The following MRC2 variants were observed in gnomAD, a reference collection of about 807,000 sequenced individuals.
MRC2 encodes the protein C-type mannose receptor 2.
MRC2 carries 84 observed loss-of-function variants against 206.2 expected under a neutral mutation model. That is an observed-to-expected ratio of 0.41 (90% CI 0.34 to 0.49). The LOEUF is 0.49. MRC2 is among the 20% of genes least tolerant of loss of function. The probability of loss-of-function intolerance (pLI) is 0.31; values close to 1 mark genes in which losing one functional copy is unlikely to be tolerated. For missense variants in MRC2, 1,676 were observed against 2,001.5 expected (o/e 0.84, Z 3.10); for synonymous variants, 798 against 800.0 (o/e 1.00, Z 0.04).
intron 1 of MRC2, among the ~76,000 whole-genome samples, chr17:62,656,695 A>G (rs1203306041): frequency 6.6e-6 from 1 of 152,206 alleles, no homozygotes; most frequent in East Asian, 1.9e-4. Flanking sequence ...GTCCTAGAGC[A>G]GTAACCTCCC....
chr17:62,682,135 T>C, intron 19 of MRC2, 100 bp from the exon 20 acceptor site: 1 of 1,317,978 alleles, frequency 7.6e-7, no homozygotes, highest in Admixed American at 2.7e-5. Context: ...CCTGAGCCTC[T>C]GCCCAGACTC....
intron 10 of MRC2, 76 bp from the exon 11 acceptor site, chr17:62,676,307 C>T (rs1238206091): frequency 1.1e-5 from 18 of 1,571,786 alleles, no homozygotes; most frequent in Admixed American, 3.6e-5. Context: ...CGAGCTCCCA[C>T]GGTAGGGCGT....
At position 62,627,716 on chromosome 17, in the gene MRC2, G is replaced by A; in HGVS notation, c.-87G>A. 9.5e-7 allele frequency: 1 copy of A among 1,050,852 alleles called. No homozygotes were observed. 65.1% of individuals were successfully genotyped at this position (1,050,852 alleles called of 1,614,324 possible). A position where few individuals can be genotyped will look rare whatever the true frequency, so the allele number is the denominator to read the frequency against. On this transcript the variant is annotated 5_prime_UTR_variant, in exon 1 of 30. Transcript: ENST00000303375. ...GGAGGACGCGAGCCCCTTGCGGGCG[G>A]TCATCACAGCCCAGCCTCGGGGCTG...
rs911812291 is a variant in MRC2, at chr17:62,632,841, C to A, written c.118+4921C>A. Among the ~76,000 whole-genome samples the A allele has an allele frequency of 3.9e-5, 6 of 152,302 alleles. No homozygotes were observed. In the South Asian group the frequency reaches 6.2e-4, roughly 16 times the overall value. On this transcript the variant is annotated intron_variant, in intron 1 of 29. Coordinates refer to ENST00000303375, the MANE Select transcript of MRC2 (RefSeq NM_006039.5). ...GGGCACATGTAGGGAACACTATAGC[C>A]AGCCTTCCTCAGCCTTCCCCAGCCT...
rs764415749 is a variant in MRC2, at chr17:62,688,516, G to T, written c.3077G>T (p.Ser1026Ile). 6.2e-7 allele frequency: 1 copy of T among 1,614,262 alleles called. No homozygotes were observed. Among genetic ancestry groups the T allele is most frequent in the Non-Finnish European group, 8.5e-7 (1 of 1,180,044 alleles). ...GGGACCATAGCATTCATCACAGCCAGCCTGCCCAATGTGACCTTTGACCTT... is the reference window on the plus strand; with the variant it reads ...GGGACCATAGCATTCATCACAGCCATCCTGCCCAATGTGACCTTTGACCTT... ...NPLEQAFITA[S>I]LPNVTFDLWI... Residue 1026 changes from serine (S) to isoleucine (I), a missense_variant, in exon 22 of 30, where the codon AGC becomes ATC. Physicochemically the swap from Ser to Ile is moderately radical, Grantham distance 142. Coordinates refer to ENST00000303375, the MANE Select transcript of MRC2 (RefSeq NM_006039.5).
In MRC2 at chr17:62,666,087, C is replaced by G. The variant is rs1438412017; in HGVS notation, c.521-7C>G. 2 of 1,580,446 alleles carry G rather than the reference C, an allele frequency of 1.3e-6. No individual in the cohort carries two copies. Among genetic ancestry groups the G allele is most frequent in the Non-Finnish European group, 1.7e-6 (2 of 1,162,836 alleles). On this transcript the variant is annotated splice_region_variant and splice_polypyrimidine_tract_variant and intron_variant, in intron 2 of 29. Transcript: ENST00000303375. The surrounding 1 kb of genome is among the most constrained non-coding windows in gnomAD (Gnocchi z 5.0). ...CCAAGGGCCTGGCCCCTGTCCACCC[C>G]CTGCAGAGGTCTACACCATCCAGGG...
Position 62,671,824 on chromosome 17 carries a change from G to T in MRC2, c.1293G>T (p.Lys431Asn). 1 of 1,598,458 alleles carries T rather than the reference G, an allele frequency of 6.3e-7. No homozygotes were observed. The highest frequency in any genetic ancestry group is 8.5e-7 in the Non-Finnish European group (1 of 1,169,672). ...TGGCGGAGCTGGAATTCATCACCAAGCAGATCAAGCAAGGTGAGGAGCTGC... is the reference window on the plus strand; with the variant it reads ...TGGCGGAGCTGGAATTCATCACCAATCAGATCAAGCAAGGTGAGGAGCTGC... ...HSMAELEFIT[K>N]QIKQEVEELW... Residue 431 changes from lysine to asparagine, a missense_variant, in exon 7 of 30, where the codon AAG becomes AAT. Physicochemically the swap from Lys to Asn is moderately conservative, Grantham distance 94. This residue lies in a region of MRC2 where 1,354 missense variants were observed against 1,636.6 expected (regional missense o/e 0.83). Coordinates refer to ENST00000303375, the MANE Select transcript of MRC2 (RefSeq NM_006039.5). The surrounding 1 kb of genome is among the most constrained non-coding windows in gnomAD (Gnocchi z 4.5).
rs777818656 is a variant in MRC2, at chr17:62,689,708, A to T, written c.3521A>T (p.Gln1174Leu). Residue 1174 changes from glutamine (Q) to leucine (L), a missense_variant, in exon 24 of 30, where the codon CAG becomes CTG. By Grantham distance (113) the Gln-to-Leu change is moderately radical. Transcript: ENST00000303375. ...PDPYTQAFLT[Q>L]AARGLRTPLW... ...CCCTACACCCAGGCCTTCCTCACGC[A>T]GGCTGCCCGAGGGCTGCGCACGCCG... 3.8e-6 allele frequency: 6 copies of T among 1,570,504 alleles called. No homozygotes were observed. Among genetic ancestry groups the T allele is most frequent in the Middle Eastern group, 1.7e-4 (1 of 6,006 alleles).
rs59698063 is a variant in MRC2, at chr17:62,643,327, CAAAAAAA to C, written c.118+15421_118+15427del. ...TGGGTGACAAAGAGTGAAACTCCGT[CAAAAAAA>C]AAAAAAAAAAAAAGAAAAAGAAAAG... On this transcript the variant is annotated intron_variant, in intron 1 of 29. Coordinates refer to ENST00000303375, the MANE Select transcript of MRC2 (RefSeq NM_006039.5). 2.0e-4 allele frequency among the ~76,000 whole-genome samples: 9 copies of C among 44,170 alleles called. No homozygotes were observed. The East Asian group carries it at 3.4e-3, about 17-fold the overall frequency. 29.0% of individuals were successfully genotyped at this position (44,170 alleles called of 152,430 possible). A position where few individuals can be genotyped will look rare whatever the true frequency, so the allele number is the denominator to read the frequency against.
At chr17:62,682,922 T>G (rs1487785059) in intron 20 of MRC2, among the ~76,000 whole-genome samples, 1 of 152,160 alleles carries the variant, frequency 6.6e-6, no homozygotes, top group Non-Finnish European at 1.5e-5. Context: ...ATTACAGATG[T>G]GAGCCACCGC....
intron 11 of MRC2, 67 bp downstream of exon 11, chr17:62,676,598 G>A (rs2088895820): frequency 6.6e-7 from 1 of 1,518,736 alleles, no homozygotes. Context: ...GGCCCTGCCA[G>A]CACCGAGCCC....
chr17:62,627,942 C>A, intron 1 of MRC2, 22 bp downstream of exon 1: 1 of 1,398,562 alleles, frequency 7.2e-7, no homozygotes, highest in Non-Finnish European at 9.3e-7. Context: ...CCAACTTGGC[C>A]AACTTCAGGG....
intron 28 of MRC2, 131 bp from the exon 29 acceptor site, chr17:62,691,981 A>G: frequency 3.4e-6 from 4 of 1,190,214 alleles, no homozygotes; most frequent in East Asian, 2.4e-5. Context: ...CAGAGGTAGG[A>G]TGGGAGGGGG....
chr17:62,655,470 A>G (rs1481170254), intron 1 of MRC2, among the ~76,000 whole-genome samples: 1 of 150,868 alleles, frequency 6.6e-6, no homozygotes, highest in Non-Finnish European at 1.5e-5. Context: ...TGAACCCTGG[A>G]GGAGGAGCTT....
rs1234252605 is a variant in MRC2 at position 62,672,747 on chromosome 17, A to G, written c.1461+595A>G. ...TGGCTCATGCCTATAATCCCAGCAC[A>G]TTGGGAGGCTGAGGCAGGCGGATCA... On this transcript the variant is annotated intron_variant, in intron 8 of 29. Transcript: ENST00000303375. The surrounding 1 kb of genome is among the most constrained non-coding windows in gnomAD (Gnocchi z 4.5). 6.6e-6 allele frequency among the ~76,000 whole-genome samples: 1 copy of G among 152,134 alleles called. No individual in the cohort carries two copies. The highest frequency in any genetic ancestry group is 1.5e-5 in the Non-Finnish European group (1 of 68,020).
At chr17:62,647,673 A>C (rs755196298) in intron 1 of MRC2, among the ~76,000 whole-genome samples, 10 of 152,146 alleles carry the variant, frequency 6.6e-5, no homozygotes, top group Non-Finnish European at 1.0e-4. Flanking sequence ...GTGTGGCTAA[A>C]TCTTTGTATA....
In MRC2 at chr17:62,664,626, C is replaced by T. The variant is rs200452538; in HGVS notation, c.197C>T (p.Pro66Leu). 99 of 1,613,592 alleles carry T rather than the reference C, an allele frequency of 6.1e-5. 1 individual carries two copies. The East Asian group carries it at 1.2e-3, about 20-fold the overall frequency. The change falls in exon 2 of 30, where the codon CCG becomes CTG. Residue 66 changes from proline to leucine, a missense_variant. Transcript: ENST00000303375. The surrounding 1 kb of genome is among the most constrained non-coding windows in gnomAD (Gnocchi z 4.7). ...EAQGGQVRVT[P>L]ACNTSLPAQR... is the part of the protein sequence containing the mutation. ...CAGGGCGGGCAGGTCAGAGTCACCC[C>T]GGCTTGCAATACCAGCCTCCCTGCC...
chr17:62,631,688 T>C (rs1478290421), intron 1 of MRC2, among the ~76,000 whole-genome samples: 2 of 151,994 alleles, frequency 1.3e-5, no homozygotes, highest in Non-Finnish European at 2.9e-5. Context: ...GGTCAGCCAC[T>C]TCCTTGTGGG....
At chr17:62,691,345 T>G (rs1005042348) in intron 28 of MRC2, among the ~76,000 whole-genome samples, 3 of 151,836 alleles carry the variant, frequency 2.0e-5, no homozygotes, top group African/African-American at 7.3e-5. Context: ...GGCTCGGGGG[T>G]CAGCAACCCC....
Sources: gnomAD v4.1 joint callset for allele counts (sites outside exome capture counted in the v4.1 genomes callset) on GRCh38, gnomAD v4.1.1 for gene constraint, gnomAD v4.1.1 regional missense constraint, Gnocchi (gnomAD v3.1) non-coding constraint, MANE v1.5 for transcripts, NCBI Gene and HGNC (gene_info 2026-07-23, HGNC 2026-07-21) for gene names.